Variants in PRKRIP1 observed in about 807,000 individuals in gnomAD.
The protein encoded by PRKRIP1 is PRKR interacting protein 1.
PRKRIP1 carries 29 observed loss-of-function variants against 29.3 expected under a neutral mutation model. The ratio of observed to expected loss-of-function variants is 0.99; its 90% CI spans 0.74 to 1.35. The LOEUF (loss-of-function observed/expected upper bound fraction) is 1.35. Among genes scored for constraint, PRKRIP1 ranks in the 40% most tolerant of loss-of-function variants. The probability of loss-of-function intolerance (pLI) is 0.00; values close to 1 mark genes in which losing one functional copy is unlikely to be tolerated. For missense variants in PRKRIP1, 247 were observed against 236.8 expected, an observed-to-expected ratio of 1.04 and a Z score of -0.28; for synonymous variants, 90 against 85.1, an observed-to-expected ratio of 1.06 and a Z score of -0.32.
chr7:102,399,685 TG>T, intron 3 of PRKRIP1, 37 bp downstream of exon 3: 5 of 1,495,540 alleles, frequency 3.3e-6, no homozygotes, highest in Non-Finnish European at 4.7e-6. Context: ...CCCCCATGTT[TG>T]GGCAGTGTGC....
chr7:102,420,941 C>T (rs1390034488), intron 5 of PRKRIP1, among the ~76,000 whole-genome samples: 6 of 152,156 alleles, frequency 3.9e-5, no homozygotes, highest in Admixed American at 3.9e-4. Flanking sequence ...TTTTCCCCTA[C>T]ACAGGCACAC....
chr7:102,421,903 GAC>G (rs1796702739), intron 5 of PRKRIP1, among the ~76,000 whole-genome samples: 1 of 152,068 alleles, frequency 6.6e-6, no homozygotes, highest in Admixed American at 6.6e-5. Flanking sequence ...GTGTTCTCAT[GAC>G]ACAGCTGTGC....
At chr7:102,422,790 T>A (rs1796729532) in intron 5 of PRKRIP1, among the ~76,000 whole-genome samples, 1 of 152,206 alleles carries the variant, frequency 6.6e-6, no homozygotes, top group African/African-American at 2.4e-5. Flanking sequence ...AAATTATTTT[T>A]AAATGTTATA....
chr7:102,424,068 C>T (rs1332333345), intron 5 of PRKRIP1, among the ~76,000 whole-genome samples: 11 of 152,266 alleles, frequency 7.2e-5, no homozygotes, highest in African/African-American at 2.7e-4. Flanking sequence ...CTTTCGCCAG[C>T]GCCGTGCGTG....
rs1318287925 is a variant in PRKRIP1 at position 102,396,482 on chromosome 7, C to T, written c.71C>T (p.Pro24Leu). 1.9e-6 allele frequency: 3 copies of T among 1,610,266 alleles called. No individual in the cohort carries two copies. The highest frequency in any genetic ancestry group is 1.3e-5 in the African/African-American group (1 of 74,798). ...AAAGAGCCGCAGACGCTCGTCATCC[C>T]CAAGAATGCGGCGGAGGAGCAGAAG... ...PKKEPQTLVI[P>L]KNAAEEQKLK... The change falls in exon 1 of 6, where the codon CCC becomes CTC. Residue 24 changes from proline to leucine, a missense_variant. Physicochemically the swap from Pro to Leu is moderately conservative, Grantham distance 98 (BLOSUM62 -3). Transcript: ENST00000397912.
Position 102,426,360 on chromosome 7 carries a change from A to G in PRKRIP1, c.*1249A>G, listed in dbSNP as rs1272561752. 5.9e-5 allele frequency: 9 copies of G among 152,692 alleles called. No individual in the cohort carries two copies. Among genetic ancestry groups the G allele is most frequent in the African/African-American group, 2.2e-4 (9 of 41,462 alleles). The allele number at this position is 152,692 out of a possible 1,614,324, so 9.5% of individuals were successfully genotyped here. ...TGAGGCCAACAGGGACGACAGAGAC[A>G]GTTTCTAGTTAGAGCCTTGGCTCCA... On this transcript the variant is annotated 3_prime_UTR_variant, in exon 6 of 6. Transcript: ENST00000397912.
intron 5 of PRKRIP1, chr7:102,423,366 G>C (rs998451581): frequency 2.8e-6 from 1 of 360,304 alleles, no homozygotes; most frequent in African/African-American, 2.1e-5. Context: ...CATCCACCTC[G>C]GCCTCCCAGG....
intron 5 of PRKRIP1, among the ~76,000 whole-genome samples, chr7:102,408,002 C>T (rs1214064806): frequency 6.6e-6 from 1 of 152,190 alleles, no homozygotes; most frequent in Admixed American, 6.6e-5. Context: ...AATGCAGCAA[C>T]AAAGTGCCTA....
intron 5 of PRKRIP1, among the ~76,000 whole-genome samples, chr7:102,416,802 C>G (rs1796560894): frequency 4.0e-5 from 6 of 151,862 alleles, no homozygotes; most frequent in Admixed American, 3.9e-4. Flanking sequence ...TCCTCAGCCT[C>G]CTGAGTAGCT....
intron 3 of PRKRIP1, among the ~76,000 whole-genome samples, chr7:102,400,514 A>T (rs1796036840): frequency 6.6e-6 from 1 of 152,122 alleles, no homozygotes; most frequent in South Asian, 2.1e-4. Flanking sequence ...AGTTTGTGTG[A>T]GAAAAAAAAA....
At chr7:102,407,341 G>T (rs977304836) in intron 4 of PRKRIP1, 93 bp from the exon 5 acceptor site, 9 of 704,158 alleles carry the variant, frequency 1.3e-5, no homozygotes, top group Non-Finnish European at 2.0e-5. Flanking sequence ...GTGTTATTCC[G>T]CAGGTTTTAG....
Position 102,421,754 on chromosome 7 carries a change from G to A in PRKRIP1, c.458-3260G>A, listed in dbSNP as rs577717119. On this transcript the variant is annotated intron_variant, in intron 5 of 5. Coordinates refer to ENST00000397912, the MANE Select transcript of PRKRIP1 (RefSeq NM_024653.4). ...AGAGGTCGCAGTGAGCCAAGATCGC[G>A]CCACTGCCCTCTAGCCTGGTGACAG... Among the ~76,000 whole-genome samples the A allele has an allele frequency of 2.3e-3, 351 of 151,384 alleles. 3 individuals are homozygous for A. Among genetic ancestry groups the A allele is most frequent in the Non-Finnish European group, 3.6e-3 (243 of 67,868 alleles).
intron 5 of PRKRIP1, among the ~76,000 whole-genome samples, chr7:102,413,977 T>C (rs782026301): frequency 4.6e-5 from 7 of 152,104 alleles, no homozygotes; most frequent in Non-Finnish European, 7.4e-5. Context: ...CCTGTAATCA[T>C]AGCACTTTGG....
intron 5 of PRKRIP1, among the ~76,000 whole-genome samples, chr7:102,420,534 A>G (rs1563623978): frequency 6.6e-6 from 1 of 152,188 alleles, no homozygotes; most frequent in South Asian, 2.1e-4. Flanking sequence ...TCTTACTGTT[A>G]TGTATTTGTT....
At chr7:102,403,499 T>G (rs1232482303) in intron 3 of PRKRIP1, among the ~76,000 whole-genome samples, 4 of 152,064 alleles carry the variant, frequency 2.6e-5, no homozygotes, top group Non-Finnish European at 5.9e-5. Flanking sequence ...AGTTTACAGG[T>G]GGTTTTCTAT....
At chr7:102,396,658 T>C in intron 1 of PRKRIP1, 121 bp downstream of exon 1, 1 of 1,063,956 alleles carries the variant, frequency 9.4e-7, no homozygotes, top group Non-Finnish European at 1.4e-6. Flanking sequence ...TATCCGACCC[T>C]CCAAGAGCAG....
chr7:102,400,289 G>A (rs1024151608), intron 3 of PRKRIP1, among the ~76,000 whole-genome samples: 3 of 151,072 alleles, frequency 2.0e-5, no homozygotes, highest in East Asian at 1.9e-4. Flanking sequence ...CAGCCTGGGC[G>A]ACAGAGTGAA....
At chr7:102,414,463 A>G (rs1408447122) in intron 5 of PRKRIP1, among the ~76,000 whole-genome samples, 7 of 152,362 alleles carry the variant, frequency 4.6e-5, no homozygotes, top group African/African-American at 1.7e-4. Context: ...GGTAATATCC[A>G]GCAGTTGACA....
At chr7:102,419,654 C>T (rs139064899) in intron 5 of PRKRIP1, among the ~76,000 whole-genome samples, 2 of 152,240 alleles carry the variant, frequency 1.3e-5, no homozygotes, top group Non-Finnish European at 2.9e-5. Context: ...AAATCGTATA[C>T]AGCCTTTCCA....
Sources: gnomAD v4.1 joint callset for allele counts (sites outside exome capture counted in the v4.1 genomes callset) on GRCh38, gnomAD v4.1.1 for gene constraint, MANE v1.5 for transcripts, NCBI Gene and HGNC (gene_info 2026-07-23, HGNC 2026-07-21) for gene names.